PRKCB: variants seen among roughly 807,000 people sequenced by gnomAD.
PRKCB encodes the protein protein kinase C beta type.
PRKCB carries 13 observed loss-of-function variants against 81.5 expected under a neutral mutation model. The observed-to-expected ratio is 0.16, with a 90% CI of 0.10 to 0.25. The LOEUF (loss-of-function observed/expected upper bound fraction) is 0.25. Ranked by LOEUF, PRKCB falls within the 10% of genes least tolerant of loss-of-function variation. PRKCB has a pLI of 1.00. For synonymous variants in PRKCB, 335 were observed against 321.4 expected, an observed-to-expected ratio of 1.04 and a Z score of -0.45; for missense variants, 509 against 875.7, an observed-to-expected ratio of 0.58 and a Z score of 5.29.
Position 24,217,711 on chromosome 16 carries a change from G to A in PRKCB, c.*2895G>A. 10 of 985,452 alleles carry A rather than the reference G, an allele frequency of 1.0e-5. No individual in the cohort carries two copies. The highest frequency in any genetic ancestry group is 1.2e-5 in the Non-Finnish European group (10 of 829,962). The allele number at this position is 985,452 out of a possible 1,614,324, so 61.0% of individuals were successfully genotyped here. A position where few individuals can be genotyped will look rare whatever the true frequency, so the allele number is the denominator to read the frequency against. The stretch of plus-strand genomic sequence containing the variant: ...TGGGGCTGGTCAGAAGGGAATCTTT[G>A]ATAAGAGGCCCACAGGCAGGGAAAG... On this transcript the variant is annotated 3_prime_UTR_variant, in exon 17 of 17. Transcript: ENST00000643927.
intron 9 of PRKCB, among the ~76,000 whole-genome samples, chr16:24,131,803 C>A (rs1966853705): frequency 6.6e-6 from 1 of 152,086 alleles, no homozygotes; most frequent in Non-Finnish European, 1.5e-5. Context: ...TGTTCTTGTA[C>A]TAGTACCTGA....
chr16:24,000,170 TG>T (rs1285233390), intron 3 of PRKCB, among the ~76,000 whole-genome samples: 1 of 152,226 alleles, frequency 6.6e-6, no homozygotes, highest in Non-Finnish European at 1.5e-5. Context: ...GAAGTATCTA[TG>T]GTTAATCTAT....
At chr16:23,975,173 T>C (rs903584749) in intron 2 of PRKCB, among the ~76,000 whole-genome samples, 3 of 152,250 alleles carry the variant, frequency 2.0e-5, no homozygotes, top group Admixed American at 2.0e-4. Flanking sequence ...ACTTAGCAAG[T>C]CATTCCTCGT....
At chr16:23,915,251 C>T (rs894908757) in intron 2 of PRKCB, among the ~76,000 whole-genome samples, 1 of 152,194 alleles carries the variant, frequency 6.6e-6, no homozygotes. Flanking sequence ...TTTTAAAACC[C>T]TCTCTCCCTT....
intron 3 of PRKCB, among the ~76,000 whole-genome samples, chr16:23,990,639 C>T (rs1244742885): frequency 2.0e-5 from 3 of 151,804 alleles, no homozygotes; most frequent in African/African-American, 7.3e-5. Context: ...GCTTAACCTC[C>T]CTGGCTCTAG....
chr16:24,010,277 G>A (rs543702186), intron 3 of PRKCB, among the ~76,000 whole-genome samples: 2 of 152,346 alleles, frequency 1.3e-5, no homozygotes, highest in East Asian at 3.9e-4. Context: ...TTTAAAGGAT[G>A]AAGGTCTAAG....
chr16:24,112,723 T>G (rs1415172574), intron 7 of PRKCB, among the ~76,000 whole-genome samples: 1 of 152,186 alleles, frequency 6.6e-6, no homozygotes, highest in Non-Finnish European at 1.5e-5. Flanking sequence ...TTGCCTCCTA[T>G]GTACATGTGA....
intron 2 of PRKCB, among the ~76,000 whole-genome samples, chr16:23,877,843 C>CT (rs148984005): frequency 0.089 from 13,252 of 148,642 alleles, 636 homozygotes; most frequent in Middle Eastern, 0.18. Flanking sequence ...TTTTTTTTTC[C>CT]TTTTTTTCAA....
intron 16 of PRKCB, among the ~76,000 whole-genome samples, chr16:24,194,961 T>C (rs1241007883): frequency 6.6e-6 from 1 of 152,166 alleles, no homozygotes; most frequent in Non-Finnish European, 1.5e-5. Flanking sequence ...CCCCACACTT[T>C]GGAAGGCTGA....
chr16:23,913,222 A>G (rs1377491842), intron 2 of PRKCB, among the ~76,000 whole-genome samples: 2 of 152,086 alleles, frequency 1.3e-5, no homozygotes, highest in Admixed American at 1.3e-4. Context: ...AGAACCATGA[A>G]TATGGACAAG....
At chr16:24,021,072 C>CCTCTTTCT (rs1965370567) in intron 3 of PRKCB, among the ~76,000 whole-genome samples, 1 of 94,372 alleles carries the variant, frequency 1.1e-5, no homozygotes, top group Non-Finnish European at 2.2e-5. Flanking sequence ...CCCTCCCTCC[C>CCTCTTTCT]TTCTTTCTTT....
At chr16:24,013,223 A>T (rs555251532) in intron 3 of PRKCB, among the ~76,000 whole-genome samples, 5 of 152,192 alleles carry the variant, frequency 3.3e-5, no homozygotes, top group African/African-American at 1.2e-4. Context: ...TTGCTGTCAC[A>T]TATCTTAGGG....
intron 2 of PRKCB, among the ~76,000 whole-genome samples, chr16:23,944,422 T>TG (rs1465534906): frequency 6.6e-6 from 1 of 152,236 alleles, no homozygotes; most frequent in Non-Finnish European, 1.5e-5. Context: ...AGATTTTTTT[T>TG]TATTCACCCT....
At chr16:24,195,355 C>T (rs1259414012) in intron 16 of PRKCB, among the ~76,000 whole-genome samples, 1 of 152,156 alleles carries the variant, frequency 6.6e-6, no homozygotes, top group Non-Finnish European at 1.5e-5. Flanking sequence ...CTGCCACTTC[C>T]AAAAGGCCCA....
chr16:24,173,846 AGGAAT>A (rs1267275716), intron 11 of PRKCB, among the ~76,000 whole-genome samples: 2 of 152,160 alleles, frequency 1.3e-5, no homozygotes, highest in African/African-American at 4.8e-5. Context: ...TCCTCATTTG[AGGAAT>A]GGGGAGATAC....
chr16:23,983,765 G>A (rs765792986), intron 2 of PRKCB, among the ~76,000 whole-genome samples: 3 of 151,838 alleles, frequency 2.0e-5, no homozygotes, highest in Non-Finnish European at 4.4e-5. Flanking sequence ...TCTTAGGCTG[G>A]AGTGCAGTGG....
chr16:23,869,114 A>G, intron 2 of PRKCB: 1 of 453,816 alleles, frequency 2.2e-6, no homozygotes, highest in Non-Finnish European at 4.4e-6. Flanking sequence ...CTACTTGCAG[A>G]AGGGACACAC....
At chr16:23,945,188 C>T (rs984227134) in intron 2 of PRKCB, among the ~76,000 whole-genome samples, 1 of 152,174 alleles carries the variant, frequency 6.6e-6, no homozygotes, top group Admixed American at 6.5e-5. Context: ...TTTGACACCA[C>T]AGGGGCACCC....
At chr16:24,212,402 T>TAAAAA (rs35650101) in intron 16 of PRKCB, among the ~76,000 whole-genome samples, 1 of 97,170 alleles carries the variant, frequency 1.0e-5, no homozygotes, top group African/African-American at 4.0e-5. Context: ...TTCTGTGCTT[T>TAAAAA]AAAAAAAAAA....
Sources: allele counts gnomAD v4.1 joint callset (sites outside exome capture counted in the v4.1 genomes callset), GRCh38; gene constraint gnomAD v4.1.1; transcripts MANE v1.5; gene names NCBI Gene and HGNC (gene_info 2026-07-23, HGNC 2026-07-21).